The following GRM8 variants were observed in gnomAD, a reference collection of about 807,000 sequenced individuals.
GRM8 encodes metabotropic glutamate receptor 8.
GRM8 carries 47 observed loss-of-function variants against 87.2 expected under a neutral mutation model. That is an observed-to-expected ratio of 0.54 (90% confidence interval 0.43 to 0.69). GRM8 has a LOEUF of 0.69. GRM8 is among the 30% of genes least tolerant of loss of function. The pLI is 0.00. For missense variants in GRM8, 1,019 were observed against 1,139.2 expected, an observed-to-expected ratio of 0.89 and a Z score of 1.52; for synonymous variants, 396 against 404.5, an observed-to-expected ratio of 0.98 and a Z score of 0.25.
At chr7:126,657,598 T>C (rs910924047) in intron 7 of GRM8, among the ~76,000 whole-genome samples, 12 of 152,278 alleles carry the variant, frequency 7.9e-5, no homozygotes, top group African/African-American at 2.9e-4. Flanking sequence ...CACTCTCAGC[T>C]TCTGTGAATT....
At chr7:126,800,996 G>C (rs951417761) in intron 6 of GRM8, among the ~76,000 whole-genome samples, 6 of 151,776 alleles carry the variant, frequency 4.0e-5, no homozygotes, top group Non-Finnish European at 7.4e-5. Flanking sequence ...AAATAAATAA[G>C]AAAAATGAGA....
chr7:126,509,700 T>C (rs1208448735), intron 9 of GRM8, among the ~76,000 whole-genome samples: 3 of 151,996 alleles, frequency 2.0e-5, no homozygotes, highest in Non-Finnish European at 2.9e-5. Flanking sequence ...TTCTCAGAGC[T>C]AGCAAATGAT....
chr7:127,223,323 A>T (rs1247495458), intron 2 of GRM8, among the ~76,000 whole-genome samples: 4 of 152,116 alleles, frequency 2.6e-5, no homozygotes, highest in Non-Finnish European at 5.9e-5. Context: ...AAGCAAAAAA[A>T]GCTCCTCTCT....
intron 7 of GRM8, among the ~76,000 whole-genome samples, chr7:126,651,290 C>A (rs1236904320): frequency 1.3e-5 from 2 of 152,224 alleles, no homozygotes; most frequent in Non-Finnish European, 2.9e-5. Context: ...TGTTCCCCAT[C>A]ATCCTGAAGC....
chr7:127,211,700 G>A (rs961960019), intron 2 of GRM8, among the ~76,000 whole-genome samples: 9 of 152,228 alleles, frequency 5.9e-5, no homozygotes, highest in Admixed American at 2.0e-4. Flanking sequence ...GTTTACCCCC[G>A]CTTTGGCTCC....
intron 6 of GRM8, among the ~76,000 whole-genome samples, chr7:126,852,790 A>C (rs1377035289): frequency 6.6e-6 from 1 of 152,032 alleles, no homozygotes; most frequent in Non-Finnish European, 1.5e-5. Flanking sequence ...ATATATTTAT[A>C]TTTATTTCTG....
intron 6 of GRM8, among the ~76,000 whole-genome samples, chr7:126,828,262 G>C (rs1255749386): frequency 4.6e-5 from 7 of 152,104 alleles, no homozygotes; most frequent in Admixed American, 4.6e-4. Context: ...TTTTTCTATT[G>C]ATTAGAATAG....
rs1554483218 is a variant in GRM8, at chr7:126,763,113, C to CCT, written c.1357+6751_1357+6752insAG. 2.8e-3 allele frequency among the ~76,000 whole-genome samples: 422 copies of CCT among 150,356 alleles called. 1 individual carries two copies. The highest frequency in any genetic ancestry group is 5.0e-3 in the Non-Finnish European group (335 of 67,466). ...ATTCATGTTTTGACACAACACCCCC[C>CCT]CAATGAATCCTTATAATTTCCGTTT... On this transcript the variant is annotated intron_variant, in intron 7 of 10. Coordinates refer to ENST00000339582, the MANE Select transcript of GRM8 (RefSeq NM_000845.3).
At chr7:126,762,406 G>C (rs1038875813) in intron 7 of GRM8, among the ~76,000 whole-genome samples, 1 of 151,442 alleles carries the variant, frequency 6.6e-6, no homozygotes, top group African/African-American at 2.4e-5. Context: ...GGCAGAACTA[G>C]GGGAAAAAAA....
At chr7:126,895,292 C>T (rs987588942) in intron 6 of GRM8, among the ~76,000 whole-genome samples, 1 of 152,062 alleles carries the variant, frequency 6.6e-6, no homozygotes, top group Admixed American at 6.6e-5. Context: ...TATCAGTAAC[C>T]TTTAGCACAG....
chr7:126,646,816 C>T (rs555487808), intron 7 of GRM8, among the ~76,000 whole-genome samples: 6 of 152,296 alleles, frequency 3.9e-5, no homozygotes, highest in African/African-American at 1.4e-4. Context: ...CTACAGTTGT[C>T]AGTTTTTATA....
chr7:126,451,680 C>CT (rs1802632384), intron 9 of GRM8, among the ~76,000 whole-genome samples: 1 of 151,702 alleles, frequency 6.6e-6, no homozygotes, highest in East Asian at 2.0e-4. Flanking sequence ...CTGGTTTACT[C>CT]TTTTTTTACT....
intron 7 of GRM8, among the ~76,000 whole-genome samples, chr7:126,684,634 A>G (rs919209535): frequency 1.3e-5 from 2 of 152,218 alleles, no homozygotes; most frequent in African/African-American, 4.8e-5. Flanking sequence ...GCATCTCTCC[A>G]GCACAGTGTC....
chr7:126,731,108 G>T (rs1262972471), intron 7 of GRM8, among the ~76,000 whole-genome samples: 1 of 152,120 alleles, frequency 6.6e-6, no homozygotes, highest in Non-Finnish European at 1.5e-5. Flanking sequence ...AGCCAAATTT[G>T]TCAATTGGAA....
chr7:126,644,107 A>G (rs772290287), intron 7 of GRM8, among the ~76,000 whole-genome samples: 2 of 152,260 alleles, frequency 1.3e-5, no homozygotes, highest in African/African-American at 2.4e-5. Flanking sequence ...ATTAGATGGT[A>G]TCTTGGATCT....
intron 6 of GRM8, among the ~76,000 whole-genome samples, chr7:126,849,754 T>C (rs1487613919): frequency 6.6e-6 from 1 of 152,056 alleles, no homozygotes; most frequent in African/African-American, 2.4e-5. Context: ...TAAGCTTTGC[T>C]CCCACCCACC....
intron 9 of GRM8, among the ~76,000 whole-genome samples, chr7:126,489,894 C>G (rs13438083): frequency 0.041 from 6,292 of 152,020 alleles, 400 homozygotes; most frequent in African/African-American, 0.14. Context: ...AGAACCAAGA[C>G]GCAAAGGAAG....
At chr7:127,030,366 C>A (rs1440916178) in intron 3 of GRM8, among the ~76,000 whole-genome samples, 1 of 152,028 alleles carries the variant, frequency 6.6e-6, no homozygotes, top group Non-Finnish European at 1.5e-5. Context: ...TGGTTCTTAC[C>A]CAGTGCCTCT....
chr7:127,034,577 T>A (rs952981054), intron 3 of GRM8, among the ~76,000 whole-genome samples: 1 of 152,150 alleles, frequency 6.6e-6, no homozygotes, highest in Non-Finnish European at 1.5e-5. Context: ...GCAAAGTTTA[T>A]CTTTGTGCTT....
Sources: allele counts gnomAD v4.1 joint callset (sites outside exome capture counted in the v4.1 genomes callset), GRCh38; gene constraint gnomAD v4.1.1; transcripts MANE v1.5; gene names NCBI Gene and HGNC (gene_info 2026-07-23, HGNC 2026-07-21).